Variants in ZMAT3 observed in about 807,000 individuals in gnomAD.
ZMAT3 encodes the protein zinc finger matrin-type protein 3.
ZMAT3 carries 17 observed loss-of-function variants against 32.3 expected under a neutral mutation model. That is an observed-to-expected ratio of 0.53 (90% CI 0.36 to 0.79). The LOEUF (loss-of-function observed/expected upper bound fraction) is 0.79. ZMAT3 is among the 30% of genes least tolerant of loss of function. ZMAT3 has a pLI of 0.00. For missense variants in ZMAT3, 329 were observed against 359.7 expected, an observed-to-expected ratio of 0.91 and a Z score of 0.69; for synonymous variants, 120 against 133.1, an observed-to-expected ratio of 0.90 and a Z score of 0.68.
rs1416970807 is a variant in ZMAT3, at chr3:179,067,641, G to C, written c.112C>G (p.Pro38Ala). 3.7e-6 allele frequency: 6 copies of C among 1,613,994 alleles called. No individual in the cohort carries two copies. Among genetic ancestry groups the C allele is most frequent in the Admixed American group, 1.7e-5 (1 of 60,000 alleles). Reference sequence around the variant, plus strand: ...GGCAAGGAAGCCTCCTGCCCAAAAGGCTTCTGTGGTGGAAGCTGCAAGGTT... The same window carrying C: ...GGCAAGGAAGCCTCCTGCCCAAAAGCCTTCTGTGGTGGAAGCTGCAAGGTT... ...TGTLQLPPQK[P>A]FGQEASLPLA... The change falls in exon 2 of 6, where the codon CCT becomes GCT. Residue 38 changes from proline (P) to alanine (A), a missense_variant. Transcript: ENST00000311417.
intron 5 of ZMAT3, among the ~76,000 whole-genome samples, chr3:179,026,606 G>A (rs1444423907): frequency 4.0e-5 from 6 of 151,788 alleles, no homozygotes; most frequent in African/African-American, 1.5e-4. Flanking sequence ...GGCTGGTCTC[G>A]AACTCCTGAC....
chr3:179,067,808 AT>A lies in ZMAT3; in HGVS notation c.-57del. 3.8e-6 allele frequency: 6 copies of A among 1,575,606 alleles called. No individual in the cohort carries two copies. The highest frequency in any genetic ancestry group is 5.2e-6 in the Non-Finnish European group (6 of 1,162,436). ...GGGTGATGAGAAGCAAGGTCTTCAA[AT>A]CTGAATCAACAGCAAAAAAACAGAA... is the stretch of plus-strand genomic sequence containing the variant. On this transcript the variant is annotated splice_region_variant and 5_prime_UTR_variant, in exon 2 of 6. Coordinates refer to ENST00000311417, the MANE Select transcript of ZMAT3 (RefSeq NM_022470.4).
chr3:179,058,932 T>C (rs928847365), intron 2 of ZMAT3, among the ~76,000 whole-genome samples: 2 of 152,000 alleles, frequency 1.3e-5, no homozygotes, highest in African/African-American at 2.4e-5. Context: ...AGGGTAAATA[T>C]ATATACAGAC....
chr3:179,064,072 A>G (rs540767365), intron 2 of ZMAT3, among the ~76,000 whole-genome samples: 3 of 152,248 alleles, frequency 2.0e-5, no homozygotes, highest in African/African-American at 7.2e-5. Context: ...CACATGATAC[A>G]GTCCGGCTCT....
At chr3:179,032,618 C>T (rs543450275) in intron 2 of ZMAT3, among the ~76,000 whole-genome samples, 1 of 151,822 alleles carries the variant, frequency 6.6e-6, no homozygotes, top group African/African-American at 2.4e-5. Context: ...CCCGCCGCCC[C>T]GTCTGAGATG....
At position 179,049,986 on chromosome 3, in the gene ZMAT3, C is replaced by T. The variant is rs1378476539; in HGVS notation, c.270+17497G>A. 1.7e-4 allele frequency among the ~76,000 whole-genome samples: 12 copies of T among 71,368 alleles called. No homozygotes were observed. In the Admixed American group the frequency reaches 1.9e-3, roughly 11 times the overall value. 46.8% of individuals were successfully genotyped at this position (71,368 alleles called of 152,430 possible). On this transcript the variant is annotated intron_variant, in intron 2 of 5. Transcript: ENST00000311417. Reference sequence around the variant, plus strand: ...TAGTCTGGGTGACAGAGCAAGACTCCGTCTCAAAAAAAAAAAAAAAAAAAA... The same window carrying T: ...TAGTCTGGGTGACAGAGCAAGACTCTGTCTCAAAAAAAAAAAAAAAAAAAA...
At chr3:179,066,143 T>C (rs1236540506) in intron 2 of ZMAT3, among the ~76,000 whole-genome samples, 1 of 152,092 alleles carries the variant, frequency 6.6e-6, no homozygotes, top group Non-Finnish European at 1.5e-5. Context: ...TCTGCTTGAA[T>C]GGTAAAGACA....
chr3:179,018,073 C>CA lies in ZMAT3; in HGVS notation c.*6943dup, dbSNP rs1189186863. 2 of 152,108 alleles carry CA rather than the reference C, an allele frequency of 1.3e-5. No homozygotes were observed. The highest frequency in any genetic ancestry group is 4.1e-4 in the South Asian group (2 of 4,830). 9.4% of individuals were successfully genotyped at this position (152,108 alleles called of 1,614,324 possible). On this transcript the variant is annotated 3_prime_UTR_variant, in exon 6 of 6. Coordinates refer to ENST00000311417, the MANE Select transcript of ZMAT3 (RefSeq NM_022470.4). ...AGGGCAGAACAATGACCAGCCACTC[C>CA]AAAAGAGTTTTGTTCCTATACATGC... is the stretch of plus-strand genomic sequence containing the variant.
Position 179,024,840 on chromosome 3 carries a change from TC to T in ZMAT3, c.*176del, listed in dbSNP as rs1451545486. The T allele has an allele frequency of 1.6e-5, 9 of 554,146 alleles. No individual in the cohort carries two copies. The highest frequency in any genetic ancestry group is 2.6e-5 in the Non-Finnish European group (8 of 310,582). The allele number at this position is 554,146 out of a possible 1,614,324, so 34.3% of individuals were successfully genotyped here. A position where few individuals can be genotyped will look rare whatever the true frequency, so the allele number is the denominator to read the frequency against. On this transcript the variant is annotated 3_prime_UTR_variant, in exon 6 of 6. Transcript: ENST00000311417. ...AAGAAGCACGTTCTTCACACCCACCTCCCCCCGCCCCGCCCCCGGGCCCCCA... is the reference window on the plus strand; with the variant it reads ...AAGAAGCACGTTCTTCACACCCACCTCCCCCGCCCCGCCCCCGGGCCCCCA...
rs373193878 is a variant in ZMAT3 at position 179,027,321 on chromosome 3, T to C, written c.658+102A>G. The stretch of plus-strand genomic sequence containing the variant: ...TAGACTAATTCAATAAAACACTGAC[T>C]AACTCCAAATTCTCAGGGCTATCTA... On this transcript the variant is annotated intron_variant, in intron 5 of 5. Transcript: ENST00000311417. 11 of 1,024,232 alleles carry C rather than the reference T, an allele frequency of 1.1e-5. No individual in the cohort carries two copies. In the African/African-American group the frequency reaches 1.5e-4, roughly 14 times the overall value. 63.4% of individuals were successfully genotyped at this position (1,024,232 alleles called of 1,614,324 possible). A position where few individuals can be genotyped will look rare whatever the true frequency, so the allele number is the denominator to read the frequency against.
chr3:179,062,760 T>A (rs1442096625), intron 2 of ZMAT3, among the ~76,000 whole-genome samples: 2 of 152,254 alleles, frequency 1.3e-5, no homozygotes, highest in Admixed American at 6.5e-5. Context: ...TTATTCTTCA[T>A]GAGAATCTTT....
chr3:179,053,010 C>A (rs1356501223), intron 2 of ZMAT3, among the ~76,000 whole-genome samples: 1 of 151,940 alleles, frequency 6.6e-6, no homozygotes, highest in African/African-American at 2.4e-5. Flanking sequence ...CATCTGTAAT[C>A]CCAGCTACTC....
At chr3:179,040,229 G>A (rs1280245171) in intron 2 of ZMAT3, among the ~76,000 whole-genome samples, 3 of 152,202 alleles carry the variant, frequency 2.0e-5, no homozygotes, top group African/African-American at 7.2e-5. Flanking sequence ...GAAATACAGG[G>A]AATGCCACAA....
Position 179,071,779 on chromosome 3 carries a change from AC to A in ZMAT3, c.-243del, listed in dbSNP as rs1721740252. 6.6e-6 allele frequency: 1 copy of A among 152,486 alleles called. No individual in the cohort carries two copies. The highest frequency in any genetic ancestry group is 1.5e-5 in the Non-Finnish European group (1 of 68,312). The allele number at this position is 152,486 out of a possible 1,614,324, so 9.4% of individuals were successfully genotyped here. ...GACTGTCAAAAGTCAGTCCAACCCG[AC>A]CCACAGGGAAACAGCTGCAGGAAGT... On this transcript the variant is annotated 5_prime_UTR_variant, in exon 1 of 6. Transcript: ENST00000311417.
chr3:179,021,464 T>C lies in ZMAT3; in HGVS notation c.*3553A>G, dbSNP rs529744410. On this transcript the variant is annotated 3_prime_UTR_variant, in exon 6 of 6. Transcript: ENST00000311417. ...TCTAACGTTGATTTTTTATGACAACTTACACAAAGATATTATTCACAGAGA... is the reference window on the plus strand; with the variant it reads ...TCTAACGTTGATTTTTTATGACAACCTACACAAAGATATTATTCACAGAGA... 1.4e-4 allele frequency: 22 copies of C among 152,342 alleles called. No homozygotes were observed. Among genetic ancestry groups the C allele is most frequent in the Non-Finnish European group, 2.2e-4 (15 of 68,018 alleles). The allele number at this position is 152,342 out of a possible 1,614,324, so 9.4% of individuals were successfully genotyped here.
chr3:179,033,790 G>A (rs1719430699), intron 2 of ZMAT3, among the ~76,000 whole-genome samples: 2 of 152,180 alleles, frequency 1.3e-5, no homozygotes, highest in Admixed American at 1.3e-4. Context: ...CAAAAATCTT[G>A]TAAGAGGAAT....
chr3:179,034,835 T>C (rs1227397583), intron 2 of ZMAT3, among the ~76,000 whole-genome samples: 1 of 152,048 alleles, frequency 6.6e-6, no homozygotes, highest in East Asian at 1.9e-4. Context: ...CCCAACACAT[T>C]CAACCCATCA....
rs903508335 is a variant in ZMAT3, at chr3:179,046,021, C to T, written c.271-15022G>A. ...CTAGGAAAACACCCAGTACAGGCAA[C>T]TATGCAGAAGAGCTCTATGACAGGG... is the stretch of plus-strand genomic sequence containing the variant. On this transcript the variant is annotated intron_variant, in intron 2 of 5. Coordinates refer to ENST00000311417, the MANE Select transcript of ZMAT3 (RefSeq NM_022470.4). The surrounding 1 kb of genome is among the most constrained non-coding windows in gnomAD (Gnocchi z 4.3). Among the ~76,000 whole-genome samples, 2 of 152,312 alleles carry T rather than the reference C, an allele frequency of 1.3e-5. No homozygotes were observed. The highest frequency in any genetic ancestry group is 3.9e-4 in the East Asian group (2 of 5,186).
At chr3:179,047,013 C>G (rs1356087206) in intron 2 of ZMAT3, among the ~76,000 whole-genome samples, 2 of 152,204 alleles carry the variant, frequency 1.3e-5, no homozygotes, top group Non-Finnish European at 2.9e-5. Context: ...CTGATGCACT[C>G]TTGAAAGCAC....
Sources: allele counts gnomAD v4.1 joint callset (sites outside exome capture counted in the v4.1 genomes callset), GRCh38; gene constraint gnomAD v4.1.1; non-coding constraint Gnocchi (gnomAD v3.1); transcripts MANE v1.5; gene names NCBI Gene and HGNC (gene_info 2026-07-23, HGNC 2026-07-21).